The following THSD4 variants were observed in gnomAD, a reference collection of about 807,000 sequenced individuals.
THSD4 encodes thrombospondin type 1 domain containing 4.
Under a neutral mutation model 119.0 loss-of-function variants are expected in THSD4, and 69 were observed. The ratio of observed to expected loss-of-function variants is 0.58; its 90% CI spans 0.48 to 0.71. The LOEUF (loss-of-function observed/expected upper bound fraction) is 0.71. Ranked by LOEUF, THSD4 falls within the 30% of genes least tolerant of loss-of-function variation. The pLI, the probability that THSD4 is intolerant of heterozygous loss-of-function variation, is 0.00. For synonymous variants in THSD4, 524 were observed against 540.4 expected (o/e 0.97, Z 0.42); for missense variants, 1,393 against 1,391.1 (o/e 1.00, Z -0.02).
chr15:71,651,674 T>A (rs1443626590), intron 7 of THSD4, among the ~76,000 whole-genome samples: 1 of 152,062 alleles, frequency 6.6e-6, no homozygotes, highest in Non-Finnish European at 1.5e-5. Flanking sequence ...TCCAAAAAAA[T>A]TTTAAGAAAT....
intron 6 of THSD4, among the ~76,000 whole-genome samples, chr15:71,375,642 G>T (rs796901327): frequency 1.2e-4 from 18 of 152,310 alleles, no homozygotes; most frequent in African/African-American, 4.1e-4. Context: ...CCCAGGAGAA[G>T]GGGTTCCAGC....
chr15:71,350,521 G>A (rs531352075), intron 6 of THSD4, among the ~76,000 whole-genome samples: 2 of 152,174 alleles, frequency 1.3e-5, no homozygotes, highest in East Asian at 3.9e-4. Context: ...GAACCAAGGT[G>A]TTGCAACTCC....
chr15:71,383,497 A>G (rs938367452), intron 6 of THSD4, among the ~76,000 whole-genome samples: 1 of 152,214 alleles, frequency 6.6e-6, no homozygotes, highest in Admixed American at 6.5e-5. Flanking sequence ...ATATATTGCG[A>G]TATAAATTTA....
At chr15:71,242,359 G>A (rs1464261107) in intron 4 of THSD4, among the ~76,000 whole-genome samples, 1 of 152,096 alleles carries the variant, frequency 6.6e-6, no homozygotes, top group South Asian at 2.1e-4. Flanking sequence ...AAAATTACAC[G>A]CTGACCATAG....
intron 6 of THSD4, among the ~76,000 whole-genome samples, chr15:71,393,657 C>G (rs1438019997): frequency 6.6e-6 from 1 of 152,034 alleles, no homozygotes; most frequent in Non-Finnish European, 1.5e-5. Context: ...CTATTCATCC[C>G]CCTCTGTACA....
At chr15:71,413,419 G>T (rs2046716837) in intron 7 of THSD4, among the ~76,000 whole-genome samples, 1 of 151,976 alleles carries the variant, frequency 6.6e-6, no homozygotes, top group Non-Finnish European at 1.5e-5. Context: ...GTATTTTTTT[G>T]CCCATTAACC....
chr15:71,338,943 C>G (rs1457090402), intron 6 of THSD4, among the ~76,000 whole-genome samples: 1 of 152,124 alleles, frequency 6.6e-6, no homozygotes, highest in African/African-American at 2.4e-5. Context: ...TCCTAAAGGT[C>G]ACCTCTGTTT....
intron 7 of THSD4, among the ~76,000 whole-genome samples, chr15:71,502,451 G>C (rs1354745217): frequency 1.3e-5 from 2 of 152,120 alleles, no homozygotes; most frequent in Non-Finnish European, 2.9e-5. Flanking sequence ...AGATGAAAAG[G>C]AACACAATAT....
chr15:71,729,019 A>G lies in THSD4; in HGVS notation c.1533+295A>G, dbSNP rs2052921765. On this transcript the variant is annotated intron_variant, in intron 9 of 17. Transcript: ENST00000261862. ...AAATCAGAGGCAAAACATGCCCTTT[A>G]TTTCATGAGCATTGGATCTCCTCCA... The G allele has an allele frequency of 1.7e-5, 7 of 408,698 alleles. No individual in the cohort carries two copies. The South Asian group carries it at 1.9e-4, about 11-fold the overall frequency. The allele number at this position is 408,698 out of a possible 1,614,324, so 25.3% of individuals were successfully genotyped here.
chr15:71,486,314 C>T (rs2047815944), intron 7 of THSD4, among the ~76,000 whole-genome samples: 1 of 152,166 alleles, frequency 6.6e-6, no homozygotes, highest in African/African-American at 2.4e-5. Flanking sequence ...GATTCCACTT[C>T]CAGTTCCACT....
chr15:71,111,855 A>C (rs141415059), upstream of THSD4: 492 of 533,852 alleles, frequency 9.2e-4, 5 homozygotes, highest in East Asian at 0.012. Flanking sequence ...TGTTTTTCAA[A>C]GTGCAATTTT....
chr15:71,603,889 C>A (rs1237443762), intron 7 of THSD4, among the ~76,000 whole-genome samples: 1 of 152,020 alleles, frequency 6.6e-6, no homozygotes, highest in African/African-American at 2.4e-5. Context: ...GTCATCCAGG[C>A]ATGAGTTAAG....
intron 7 of THSD4, among the ~76,000 whole-genome samples, chr15:71,535,472 C>G (rs2048677200): frequency 6.6e-6 from 1 of 152,158 alleles, no homozygotes; most frequent in South Asian, 2.1e-4. Context: ...TGTCATTTCT[C>G]TTAGGTATAT....
chr15:71,339,016 A>C (rs2045526722), intron 6 of THSD4, among the ~76,000 whole-genome samples: 1 of 152,150 alleles, frequency 6.6e-6, no homozygotes, highest in Admixed American at 6.6e-5. Context: ...CTTGCAGGAC[A>C]TCACACTGTG....
intron 3 of THSD4, among the ~76,000 whole-genome samples, chr15:71,184,684 T>A (rs1414488195): frequency 6.6e-6 from 1 of 151,752 alleles, no homozygotes; most frequent in Non-Finnish European, 1.5e-5. Context: ...TCCCATCTGC[T>A]CACATGGCAC....
rs531496788 is a variant in THSD4, at chr15:71,235,399, G to A, written c.465-7250G>A. Among the ~76,000 whole-genome samples the A allele has an allele frequency of 6.6e-4, 100 of 152,262 alleles. 1 individual carries two copies. The South Asian group carries it at 0.018, about 27-fold the overall frequency. On this transcript the variant is annotated intron_variant, in intron 4 of 17. Transcript: ENST00000261862. ...TCATTAGACATAGTAAAATCCAGTA[G>A]TATCTTAGATTTTCTCCACAGAATC...
intron 2 of THSD4, among the ~76,000 whole-genome samples, chr15:71,152,885 T>C (rs1241495218): frequency 6.6e-6 from 1 of 152,188 alleles, no homozygotes; most frequent in African/African-American, 2.4e-5. Context: ...GGGTATAAGC[T>C]GTACATTTAC....
chr15:71,422,814 C>A (rs1423704607), intron 7 of THSD4, among the ~76,000 whole-genome samples: 2 of 152,178 alleles, frequency 1.3e-5, no homozygotes, highest in African/African-American at 4.8e-5. Context: ...TCCAGAAATA[C>A]CATTCGGGAG....
intron 6 of THSD4, among the ~76,000 whole-genome samples, chr15:71,296,605 A>G (rs764116644): frequency 1.8e-4 from 28 of 152,334 alleles, no homozygotes; most frequent in Non-Finnish European, 3.2e-4. Context: ...AACTCTGCGC[A>G]GCACCTGTCC....
Sources: allele counts gnomAD v4.1 joint callset (sites outside exome capture counted in the v4.1 genomes callset), GRCh38; gene constraint gnomAD v4.1.1; transcripts MANE v1.5; gene names NCBI Gene and HGNC (gene_info 2026-07-23, HGNC 2026-07-21).